PCF11: variants seen among roughly 807,000 people sequenced by gnomAD.
PCF11 encodes PCF11 cleavage and polyadenylation factor subunit.
A neutral mutation model predicts 166.1 loss-of-function variants in PCF11; 19 were observed. The observed-to-expected ratio is 0.11, with a 90% CI of 0.08 to 0.17. The LOEUF (loss-of-function observed/expected upper bound fraction) is 0.17, where lower values mean the gene tolerates loss of function less well. PCF11 is among the 10% of genes least tolerant of loss of function. PCF11 has a pLI of 1.00. For missense variants in PCF11, 1,565 were observed against 1,855.5 expected (o/e 0.84, Z 2.88); for synonymous variants, 663 against 644.1 (o/e 1.03, Z -0.44).
intron 8 of PCF11, among the ~76,000 whole-genome samples, chr11:83,170,478 A>G (rs995084584): frequency 2.6e-5 from 4 of 151,720 alleles, no homozygotes; most frequent in African/African-American, 9.7e-5. Context: ...CTTTTTTCCT[A>G]CTTTTTACCA....
exon 5 of PCF11, chr11:83,166,526 T>C: frequency 6.2e-7 from 1 of 1,613,680 alleles, no homozygotes; most frequent in Non-Finnish European, 8.5e-7. Context: ...AAGACAGAAA[T>C]GCTAAGAGAA....
At chr11:83,182,668 C>T (rs1861124278) in intron 14 of PCF11, among the ~76,000 whole-genome samples, 177 bp downstream of exon 14, 2 of 152,154 alleles carry the variant, frequency 1.3e-5, no homozygotes, top group East Asian at 1.9e-4. Context: ...AGCAGTCACC[C>T]GGTTCTGTAC....
rs149706783 is a variant in PCF11 at position 83,162,463 on chromosome 11, A to C, written c.318+1011A>C. On this transcript the variant is annotated intron_variant, in intron 2 of 15. Transcript: ENST00000298281. Reference sequence around the variant, plus strand: ...AAAGCTCTATATCATATAGCATTAAAATGCTTGTTAATAGAATATTGTAGA... The same window carrying C: ...AAAGCTCTATATCATATAGCATTAACATGCTTGTTAATAGAATATTGTAGA... 2.9e-3 allele frequency among the ~76,000 whole-genome samples: 449 copies of C among 152,358 alleles called. 2 individuals carry two copies. Among genetic ancestry groups the C allele is most frequent in the African/African-American group, 0.01 (430 of 41,586 alleles).
chr11:83,157,713 T>C, intron 1 of PCF11, 82 bp downstream of exon 1: 1 of 1,256,228 alleles, frequency 8.0e-7, no homozygotes, highest in East Asian at 2.3e-5. Context: ...CTCGCTTCCA[T>C]CCCAAGGGGG....
chr11:83,186,570 T>C (rs892910925), exon 16 of PCF11: 2 of 152,228 alleles, frequency 1.3e-5, no homozygotes, highest in African/African-American at 4.8e-5. Context: ...TTCTTGGTCA[T>C]GCTAAGGAAT....
chr11:83,164,494 T>G, intron 4 of PCF11, 93 bp downstream of exon 4: 4 of 843,358 alleles, frequency 4.7e-6, no homozygotes, highest in Non-Finnish European at 7.4e-6. Flanking sequence ...CATGTTACTT[T>G]TATTAATAGT....
At position 83,160,071 on chromosome 11, in the gene PCF11, G is replaced by A. The variant is rs552187929; in HGVS notation, c.193-1256G>A. On this transcript the variant is annotated intron_variant, in intron 1 of 15. Transcript: ENST00000298281. ...ATGCAGTGGGTGAACCCTTTTATTA[G>A]ACAGTACCTTAAAAGAAATTTTTCA... Among the ~76,000 whole-genome samples, 5 of 152,164 alleles carry A rather than the reference G, an allele frequency of 3.3e-5. No individual in the cohort carries two copies. The Admixed American group carries it at 3.3e-4, about 10-fold the overall frequency.
At chr11:83,185,150 G>A (rs1362145415) in exon 16 of PCF11, 1 of 326,392 alleles carries the variant, frequency 3.1e-6, no homozygotes, top group Non-Finnish European at 5.5e-6. Context: ...GTGTAAAAAT[G>A]TACGATTTTT....
exon 4 of PCF11, chr11:83,164,276 G>T (rs773375855): frequency 6.2e-7 from 1 of 1,613,652 alleles, no homozygotes; most frequent in Non-Finnish European, 8.5e-7. Flanking sequence ...AATTGTTCCT[G>T]ATATACAAAA....
intron 9 of PCF11, among the ~76,000 whole-genome samples, chr11:83,175,448 A>C (rs757563311): frequency 4.6e-5 from 7 of 151,618 alleles, no homozygotes; most frequent in Non-Finnish European, 5.9e-5. Context: ...TATTGTTTTC[A>C]TAGTTAAAGA....
chr11:83,181,426 G>A (rs1205986547), intron 12 of PCF11, among the ~76,000 whole-genome samples: 4 of 149,448 alleles, frequency 2.7e-5, no homozygotes, highest in Non-Finnish European at 5.9e-5. Context: ...TAAGATTAGA[G>A]TATAGCATAC....
intron 9 of PCF11, among the ~76,000 whole-genome samples, chr11:83,172,403 T>C (rs1008638318): frequency 4.6e-5 from 7 of 152,192 alleles, no homozygotes; most frequent in African/African-American, 1.2e-4. Flanking sequence ...AAAAGGACTT[T>C]TAAAATGGAT....
intron 11 of PCF11, chr11:83,180,045 T>G (rs1440012589): frequency 6.6e-6 from 1 of 152,166 alleles, no homozygotes; most frequent in African/African-American, 2.4e-5. Flanking sequence ...TTTATTTTGT[T>G]GCTGTAACAA....
chr11:83,181,603 TAA>T (rs56993580), intron 12 of PCF11, among the ~76,000 whole-genome samples: 1 of 146,720 alleles, frequency 6.8e-6, no homozygotes, highest in Non-Finnish European at 1.5e-5. Context: ...CTGTTTTTTG[TAA>T]AAAAAAAAAT....
intron 15 of PCF11, among the ~76,000 whole-genome samples, chr11:83,183,489 CT>C (rs1397162972): frequency 6.6e-6 from 1 of 151,864 alleles, no homozygotes; most frequent in African/African-American, 2.4e-5. Context: ...TAGGTATATT[CT>C]TTTTGTTGTT....
intron 12 of PCF11, among the ~76,000 whole-genome samples, chr11:83,181,412 A>T (rs642669): frequency 0.43 from 64,610 of 150,160 alleles, 15,958 homozygotes; most frequent in African/African-American, 0.68. Flanking sequence ...TTTTTTTTTT[A>T]AATTAAGATT....
At chr11:83,166,123 A>G (rs530488292) in exon 5 of PCF11, 1 of 1,610,898 alleles carries the variant, frequency 6.2e-7, no homozygotes, top group South Asian at 1.1e-5. Context: ...AAACATCTTC[A>G]GGATAAGACC....
intron 1 of PCF11, among the ~76,000 whole-genome samples, chr11:83,160,321 G>GTTTTTTTTTTTTTTTTTTTTTTTTTTTTT (rs35201107): frequency 4.4e-5 from 4 of 91,288 alleles, no homozygotes; most frequent in Admixed American, 2.5e-4. Flanking sequence ...GATAACCTAA[G>GTTTTTTTTTTTTTTTTTTTTTTTTTTTTT]TTTTTTTTTT....
rs1371894700 is a variant in PCF11 at position 83,164,000 on chromosome 11, TAGTG to T, written c.507+134_507+137del. The stretch of plus-strand genomic sequence containing the variant: ...TGGTTCAATTTGAAAAAAAAAAAAA[TAGTG>T]TGTATATGTTTGGAATTTTTATTTA... On this transcript the variant is annotated intron_variant, in intron 3 of 15. Transcript: ENST00000298281. The T allele has an allele frequency of 8.9e-6, 5 of 562,840 alleles. No individual in the cohort carries two copies. The South Asian group carries it at 1.5e-4, about 17-fold the overall frequency. The allele number at this position is 562,840 out of a possible 1,614,324, so 34.9% of individuals were successfully genotyped here. A position where few individuals can be genotyped will look rare whatever the true frequency, so the allele number is the denominator to read the frequency against.
Sources: gnomAD v4.1 joint callset for allele counts (sites outside exome capture counted in the v4.1 genomes callset) on GRCh38, gnomAD v4.1.1 for gene constraint, MANE v1.5 for transcripts, NCBI Gene and HGNC (gene_info 2026-07-23, HGNC 2026-07-21) for gene names.